Variants in NT5E observed in about 807,000 individuals in gnomAD.
NT5E encodes the protein 5'-nucleotidase ecto.
A neutral mutation model predicts 55.1 loss-of-function variants in NT5E; 53 were observed. The observed-to-expected ratio is 0.96, with a 90% CI of 0.77 to 1.21. The LOEUF (loss-of-function observed/expected upper bound fraction) is 1.21. NT5E is among the 50% of genes most tolerant of loss of function. The pLI is 0.00. For missense variants in NT5E, 683 were observed against 724.3 expected, an observed-to-expected ratio of 0.94 and a Z score of 0.65; for synonymous variants, 270 against 278.4, an observed-to-expected ratio of 0.97 and a Z score of 0.30.
chr6:85,451,318 G>C (rs945863057), intron 1 of NT5E, among the ~76,000 whole-genome samples: 2 of 152,172 alleles, frequency 1.3e-5, no homozygotes, highest in African/African-American at 2.4e-5. Context: ...AAGTAGGTTT[G>C]GCGGCAGAGA....
chr6:85,454,908 G>A (rs1354332321), intron 1 of NT5E, among the ~76,000 whole-genome samples: 2 of 152,154 alleles, frequency 1.3e-5, no homozygotes, highest in African/African-American at 4.8e-5. Context: ...ATACATATTT[G>A]AACAACTGGA....
chr6:85,453,839 G>A (rs544655362), intron 1 of NT5E, among the ~76,000 whole-genome samples: 3 of 152,216 alleles, frequency 2.0e-5, no homozygotes, highest in African/African-American at 4.8e-5. Flanking sequence ...TCCTTTGTTC[G>A]CCACCCTCCA....
chr6:85,460,642 T>G (rs1582370402), intron 1 of NT5E, among the ~76,000 whole-genome samples: 1 of 152,242 alleles, frequency 6.6e-6, no homozygotes, highest in Middle Eastern at 3.4e-3. Context: ...TGCCAACTTC[T>G]ATGTTTTTTT....
chr6:85,485,126 G>A lies in NT5E; in HGVS notation c.752-109G>A, dbSNP rs375628440. On this transcript the variant is annotated intron_variant, in intron 3 of 8. Coordinates refer to ENST00000257770, the MANE Select transcript of NT5E (RefSeq NM_002526.4). Reference sequence around the variant, plus strand: ...AGACTAGCTATGTAGAGCAACAGATGGCAAATCATCAATTTAAAACTCTGT... The same window carrying A: ...AGACTAGCTATGTAGAGCAACAGATAGCAAATCATCAATTTAAAACTCTGT... 3.8e-5 allele frequency: 40 copies of A among 1,042,112 alleles called. No individual in the cohort carries two copies. The East Asian group carries it at 9.5e-4, about 25-fold the overall frequency. The allele number at this position is 1,042,112 out of a possible 1,614,324, so 64.6% of individuals were successfully genotyped here.
chr6:85,485,211 T>A, intron 3 of NT5E, 24 bp from the exon 4 acceptor site: 1 of 1,613,242 alleles, frequency 6.2e-7, no homozygotes, highest in Non-Finnish European at 8.5e-7. Flanking sequence ...GCTGACTTGA[T>A]CAGCTGTGGC....
rs368794948 is a variant in NT5E, at chr6:85,489,603, T to A, written c.1210+4T>A. On this transcript the variant is annotated splice_donor_region_variant and intron_variant, in intron 6 of 8. Coordinates refer to ENST00000257770, the MANE Select transcript of NT5E (RefSeq NM_002526.4). ...CCCATTGATGAACGCAACAATGGTA[T>A]GCTCCCAGGCCCAGCTCCTCAGTGT... The A allele has an allele frequency of 1.9e-5, 30 of 1,602,928 alleles. No homozygotes were observed. Among genetic ancestry groups the A allele is most frequent in the Non-Finnish European group, 2.4e-5 (28 of 1,170,480 alleles).
At chr6:85,451,338 A>T (rs750578394) in intron 1 of NT5E, among the ~76,000 whole-genome samples, 1 of 152,218 alleles carries the variant, frequency 6.6e-6, no homozygotes, top group Non-Finnish European at 1.5e-5. Flanking sequence ...ATTTAGGAAG[A>T]GTCCAACTTA....
At chr6:85,490,191 G>A (rs1769752847) in intron 6 of NT5E, among the ~76,000 whole-genome samples, 1 of 152,198 alleles carries the variant, frequency 6.6e-6, no homozygotes, top group South Asian at 2.1e-4. Context: ...TGTTTGTCTG[G>A]AGGAACGGAA....
In NT5E at chr6:85,450,423, T is replaced by C; in HGVS notation, c.284T>C (p.Val95Ala). 1 of 1,604,072 alleles carries C rather than the reference T, an allele frequency of 6.2e-7. No homozygotes were observed. The highest frequency in any genetic ancestry group is 8.5e-7 in the Non-Finnish European group (1 of 1,176,446). The change falls in exon 1 of 9, where the codon GTG (valine) becomes GCG (alanine). Residue 95 changes from valine to alanine, a missense_variant. By Grantham distance (64) the Val-to-Ala change is moderately conservative. Coordinates refer to ENST00000257770, the MANE Select transcript of NT5E (RefSeq NM_002526.4). This position sits in a 1 kb window ranked among gnomAD's most constrained non-coding sequence, Gnocchi z 4.0. The part of the protein sequence containing the change: ...DQYQGTIWFT[V>A]YKGAEVAHFM... Reference sequence around the variant, plus strand: ...TACCAGGGCACTATCTGGTTCACCGTGTACAAGGGCGCCGAGGTGGCGCAC... The same window carrying C: ...TACCAGGGCACTATCTGGTTCACCGCGTACAAGGGCGCCGAGGTGGCGCAC...
At chr6:85,488,040 G>T (rs1248618186) in intron 5 of NT5E, among the ~76,000 whole-genome samples, 1 of 152,224 alleles carries the variant, frequency 6.6e-6, no homozygotes, top group African/African-American at 2.4e-5. Flanking sequence ...TCACTCATCT[G>T]TTCACTTGAC....
chr6:85,480,924 A>G (rs901072649), intron 3 of NT5E, among the ~76,000 whole-genome samples: 4 of 152,136 alleles, frequency 2.6e-5, no homozygotes, highest in Non-Finnish European at 4.4e-5. Context: ...AGCAAAACCC[A>G]TTCTCCTGTA....
chr6:85,454,454 T>A (rs1469864299), intron 1 of NT5E, among the ~76,000 whole-genome samples: 1 of 152,266 alleles, frequency 6.6e-6, no homozygotes, highest in African/African-American at 2.4e-5. Flanking sequence ...GATATGTTTG[T>A]TAACTTTTTA....
At chr6:85,453,048 C>T (rs1225004440) in intron 1 of NT5E, among the ~76,000 whole-genome samples, 1 of 152,166 alleles carries the variant, frequency 6.6e-6, no homozygotes, top group Non-Finnish European at 1.5e-5. Flanking sequence ...TCTAGACCTA[C>T]TGGAGTAATC....
Position 85,467,259 on chromosome 6 carries a change from A to G in NT5E, c.539A>G (p.Glu180Gly). Residue 180 changes from glutamate (E) to glycine (G), a missense_variant, in exon 2 of 9, where the codon GAA becomes GGA. Transcript: ENST00000257770. Reference sequence around the variant, plus strand: ...GGAATCGTTGGATACACTTCCAAAGAAACCCCTTTTCTCTCAAATCCAGGT... The same window carrying G: ...GGAATCGTTGGATACACTTCCAAAGGAACCCCTTTTCTCTCAAATCCAGGT... ...VVGIVGYTSK[E>G]TPFLSNPGTN... 1 of 1,614,156 alleles carries G rather than the reference A, an allele frequency of 6.2e-7. No homozygotes were observed. Among genetic ancestry groups the G allele is most frequent in the East Asian group, 2.2e-5 (1 of 44,874 alleles).
chr6:85,482,588 G>A (rs1395045457), intron 3 of NT5E, among the ~76,000 whole-genome samples: 2 of 152,166 alleles, frequency 1.3e-5, no homozygotes, highest in Non-Finnish European at 2.9e-5. Context: ...GCTGGAAAAT[G>A]CAGGCTTTAT....
At chr6:85,474,076 G>A (rs1769377060) in intron 3 of NT5E, among the ~76,000 whole-genome samples, 1 of 152,122 alleles carries the variant, frequency 6.6e-6, no homozygotes, top group Non-Finnish European at 1.5e-5. Flanking sequence ...AGTATCTGTG[G>A]GGGATTGGTT....
chr6:85,494,672 T>C lies in NT5E; in HGVS notation c.*668T>C, dbSNP rs1246499265. The C allele has an allele frequency of 6.5e-6, 1 of 152,890 alleles. No homozygotes were observed. The highest frequency in any genetic ancestry group is 1.5e-5 in the Non-Finnish European group (1 of 68,538). The allele number at this position is 152,890 out of a possible 1,614,324, so 9.5% of individuals were successfully genotyped here. ...CTATTTTTTCACTTTATAGCTCCTGTTATAATAGCAAGTTTAATGGTATAA... is the reference window on the plus strand; with the variant it reads ...CTATTTTTTCACTTTATAGCTCCTGCTATAATAGCAAGTTTAATGGTATAA... On this transcript the variant is annotated 3_prime_UTR_variant, in exon 9 of 9. Transcript: ENST00000257770.
chr6:85,464,811 A>T (rs1769159067), intron 1 of NT5E, among the ~76,000 whole-genome samples: 1 of 152,158 alleles, frequency 6.6e-6, no homozygotes, highest in Admixed American at 6.5e-5. Context: ...TAGGTAAGGG[A>T]GAGGGATGCC....
chr6:85,489,143 A>G (rs1769730448), intron 5 of NT5E, among the ~76,000 whole-genome samples: 1 of 152,100 alleles, frequency 6.6e-6, no homozygotes, highest in Non-Finnish European at 1.5e-5. Flanking sequence ...GGCAGAGGGC[A>G]TGGCCTGCCC....
Sources: gnomAD v4.1 joint callset for allele counts (sites outside exome capture counted in the v4.1 genomes callset) on GRCh38, gnomAD v4.1.1 for gene constraint, Gnocchi (gnomAD v3.1) non-coding constraint, MANE v1.5 for transcripts, NCBI Gene and HGNC (gene_info 2026-07-23, HGNC 2026-07-21) for gene names.